The following PLXDC1 variants were observed in gnomAD, a reference collection of about 807,000 sequenced individuals.
PLXDC1 encodes the protein plexin domain containing 1.
Under a neutral mutation model 61.3 loss-of-function variants are expected in PLXDC1, and 39 were observed. That is an observed-to-expected ratio of 0.64 (90% CI 0.49 to 0.83). The LOEUF is 0.83. Ranked by LOEUF, PLXDC1 falls within the 40% of genes least tolerant of loss-of-function variation. The pLI is 0.00. For synonymous variants in PLXDC1, 212 were observed against 254.5 expected, an observed-to-expected ratio of 0.83 and a Z score of 1.59; for missense variants, 596 against 666.5, an observed-to-expected ratio of 0.89 and a Z score of 1.17.
At chr17:39,145,605 A>G (rs764462155) in intron 1 of PLXDC1, among the ~76,000 whole-genome samples, 1 of 152,132 alleles carries the variant, frequency 6.6e-6, no homozygotes, top group Non-Finnish European at 1.5e-5. Flanking sequence ...CCTGTCCCAC[A>G]GGCTGAGAAA....
chr17:39,116,750 A>T (rs974620258), intron 2 of PLXDC1, among the ~76,000 whole-genome samples: 3 of 152,232 alleles, frequency 2.0e-5, no homozygotes, highest in African/African-American at 7.2e-5. Flanking sequence ...GGCAGCAGGC[A>T]TGGAACATGG....
chr17:39,133,122 C>G (rs186447991), intron 2 of PLXDC1, among the ~76,000 whole-genome samples: 3 of 152,284 alleles, frequency 2.0e-5, no homozygotes, highest in African/African-American at 7.2e-5. Context: ...ATGGGAGAAA[C>G]AGGTGACTCT....
intron 2 of PLXDC1, among the ~76,000 whole-genome samples, chr17:39,128,171 A>ATGTGTATATGTATATG (rs1292939496): frequency 8.4e-6 from 1 of 118,478 alleles, no homozygotes; most frequent in African/African-American, 3.0e-5. Context: ...ATGTATATAT[A>ATGTGTATATGTATATG]TGTATATATA....
intron 11 of PLXDC1, among the ~76,000 whole-genome samples, chr17:39,076,800 A>G (rs558562836): frequency 6.6e-6 from 1 of 152,208 alleles, no homozygotes; most frequent in East Asian, 1.9e-4. Flanking sequence ...CAGTGGCACA[A>G]TCTTGGCTCA....
At chr17:39,127,120 T>A (rs2143824442) in intron 2 of PLXDC1, 1 of 152,304 alleles carries the variant, frequency 6.6e-6, no homozygotes, top group East Asian at 1.9e-4. Context: ...GAGGGATCTT[T>A]CTAGTTAACT....
intron 1 of PLXDC1, among the ~76,000 whole-genome samples, chr17:39,142,446 T>C (rs1262256273): frequency 6.6e-6 from 1 of 152,224 alleles, no homozygotes; most frequent in East Asian, 1.9e-4. Flanking sequence ...TTCGCGGCCA[T>C]GCGAACCTCC....
intron 10 of PLXDC1, among the ~76,000 whole-genome samples, chr17:39,078,584 A>G (rs1228415072): frequency 3.3e-5 from 5 of 152,258 alleles, no homozygotes; most frequent in Non-Finnish European, 5.9e-5. Flanking sequence ...ATGTTAGTCT[A>G]TGGTGTGAGA....
chr17:39,092,584 C>T (rs1475891109), intron 7 of PLXDC1, among the ~76,000 whole-genome samples: 1 of 152,258 alleles, frequency 6.6e-6, no homozygotes, highest in Non-Finnish European at 1.5e-5. Flanking sequence ...GCTGCACCAT[C>T]TCATTTCCCC....
chr17:39,117,136 G>A (rs981150396), intron 2 of PLXDC1, among the ~76,000 whole-genome samples: 1 of 152,210 alleles, frequency 6.6e-6, no homozygotes, highest in Non-Finnish European at 1.5e-5. Context: ...TTCATTGTAA[G>A]GCTAGGCATC....
rs117365866 is a variant in PLXDC1 at position 39,138,992 on chromosome 17, C to T, written c.255+662G>A. On this transcript the variant is annotated intron_variant, in intron 2 of 13. Transcript: ENST00000315392. ...TCATCTGACACAGGTGCGAACCCAG[C>T]GTCCATGACACACACACCCATTCCC... 3.6e-3 allele frequency among the ~76,000 whole-genome samples: 549 copies of T among 152,194 alleles called. 8 individuals carry two copies. The highest frequency in any genetic ancestry group is 2.0e-3 in the Non-Finnish European group (137 of 68,022).
intron 2 of PLXDC1, among the ~76,000 whole-genome samples, chr17:39,117,382 G>C (rs1301720487): frequency 2.6e-5 from 4 of 152,162 alleles, no homozygotes; most frequent in Non-Finnish European, 5.9e-5. Flanking sequence ...CATTCCTATT[G>C]TACAAGGCTG....
intron 13 of PLXDC1, among the ~76,000 whole-genome samples, chr17:39,068,936 G>T (rs963378361): frequency 4.6e-5 from 7 of 152,176 alleles, no homozygotes; most frequent in African/African-American, 1.2e-4. Flanking sequence ...CAGAAGTGGA[G>T]GACTGGGGGC....
intron 2 of PLXDC1, among the ~76,000 whole-genome samples, chr17:39,128,141 A>ATG (rs1911400965): frequency 2.6e-5 from 3 of 113,252 alleles, no homozygotes; most frequent in Non-Finnish European, 3.4e-5. Context: ...ATATATATGT[A>ATG]TATATATGTG....
chr17:39,086,529 C>T (rs1371266381), intron 8 of PLXDC1, among the ~76,000 whole-genome samples: 1 of 151,526 alleles, frequency 6.6e-6, no homozygotes, highest in African/African-American at 2.4e-5. Flanking sequence ...CATGGTGGCT[C>T]ATGCCTGTAA....
At chr17:39,149,206 C>T (rs1006381960) in intron 1 of PLXDC1, among the ~76,000 whole-genome samples, 2 of 152,104 alleles carry the variant, frequency 1.3e-5, no homozygotes, top group East Asian at 1.9e-4. Context: ...CCATCAGGAG[C>T]GAGGGGAGAT....
intron 2 of PLXDC1, among the ~76,000 whole-genome samples, chr17:39,133,113 T>C (rs1200560294): frequency 6.6e-6 from 1 of 152,120 alleles, no homozygotes; most frequent in Non-Finnish European, 1.5e-5. Flanking sequence ...GTCAGAGGCA[T>C]GGGAGAAACA....
chr17:39,116,704 C>T (rs1289622284), intron 2 of PLXDC1, among the ~76,000 whole-genome samples: 3 of 152,224 alleles, frequency 2.0e-5, no homozygotes, highest in African/African-American at 7.2e-5. Context: ...AGCTTCAACA[C>T]GGAGGACATG....
chr17:39,146,574 G>A (rs1027575719), intron 1 of PLXDC1, among the ~76,000 whole-genome samples: 1 of 151,902 alleles, frequency 6.6e-6, no homozygotes, highest in African/African-American at 2.4e-5. Flanking sequence ...CACTTTGGAA[G>A]GCCAAGACAG....
intron 7 of PLXDC1, 152 bp from the exon 8 acceptor site, chr17:39,087,854 CAG>C: frequency 3.1e-6 from 2 of 647,670 alleles, no homozygotes; most frequent in Non-Finnish European, 5.6e-6. Flanking sequence ...CTGCTGGAGA[CAG>C]GGACAGGTGC....
Sources: gnomAD v4.1 joint callset for allele counts (sites outside exome capture counted in the v4.1 genomes callset) on GRCh38, gnomAD v4.1.1 for gene constraint, MANE v1.5 for transcripts, NCBI Gene and HGNC (gene_info 2026-07-23, HGNC 2026-07-21) for gene names.